Variants in ZNF155 observed in about 807,000 individuals in gnomAD.
The protein encoded by ZNF155 is zinc finger protein 155.
In ZNF155, 15 loss-of-function variants were observed where a neutral mutation model predicts 11.9. That is an observed-to-expected ratio of 1.26 (90% CI 0.84 to 1.94). The LOEUF (loss-of-function observed/expected upper bound fraction) is 1.94, where lower values mean the gene tolerates loss of function less well. ZNF155 is among the 30% of genes most tolerant of loss of function. ZNF155 has a pLI of 0.00. For missense variants in ZNF155, 602 were observed against 639.1 expected (o/e 0.94, Z 0.63); for synonymous variants, 212 against 219.9 (o/e 0.96, Z 0.32).
Position 43,984,261 on chromosome 19 carries a change from G to A in ZNF155, c.-86+16G>A, listed in dbSNP as rs1975351748. The stretch of plus-strand genomic sequence containing the variant: ...TTTGAGCCAAGTATGTGTCTTGCGG[G>A]TCTTTGCGAAAGTGAACCAGTTATT... On this transcript the variant is annotated intron_variant, in intron 1 of 4. Coordinates refer to ENST00000270014, the MANE Select transcript of ZNF155 (RefSeq NM_198089.3). The A allele has an allele frequency of 6.6e-6, 1 of 152,224 alleles. No individual in the cohort carries two copies. Among genetic ancestry groups the A allele is most frequent in the Admixed American group, 6.5e-5 (1 of 15,274 alleles). The allele number at this position is 152,224 out of a possible 1,614,324, so 9.4% of individuals were successfully genotyped here.
chr19:43,992,914 A>G lies in ZNF155; in HGVS notation c.235+980A>G, dbSNP rs539624386. Among the ~76,000 whole-genome samples the G allele has an allele frequency of 6.6e-4, 101 of 152,356 alleles. 1 individual carries two copies. The highest frequency in any genetic ancestry group is 2.3e-3 in the African/African-American group (97 of 41,582). On this transcript the variant is annotated intron_variant, in intron 4 of 4. Coordinates refer to ENST00000270014, the MANE Select transcript of ZNF155 (RefSeq NM_198089.3). ...GACCCACGTCCCGTGGAAACTTCTA[A>G]GCATTGTTTTTATGACCACACTGAG... is the stretch of plus-strand genomic sequence containing the variant.
chr19:43,995,991 CT>C, intron 4 of ZNF155, 101 bp from the exon 5 acceptor site: 3 of 1,407,954 alleles, frequency 2.1e-6, no homozygotes, highest in Non-Finnish European at 2.9e-6. Context: ...TGAACATTCT[CT>C]GTATTCATTA....
At chr19:43,987,614 A>T (rs1975506719) in intron 1 of ZNF155, among the ~76,000 whole-genome samples, 1 of 152,198 alleles carries the variant, frequency 6.6e-6, no homozygotes, top group Non-Finnish European at 1.5e-5. Context: ...TTTGGCCAAG[A>T]TGATGTCTTT....
Position 43,997,764 on chromosome 19 carries a change from A to T in ZNF155, c.*290A>T. On this transcript the variant is annotated 3_prime_UTR_variant, in exon 5 of 5. Transcript: ENST00000270014. ...AACTAGCACAGGGGATTGTGCCTGG[A>T]GACATGCCCATGGCTGCACAGATAG... The T allele has an allele frequency of 3.1e-6, 1 of 318,678 alleles. No homozygotes were observed. Among genetic ancestry groups the T allele is most frequent in the Non-Finnish European group, 5.7e-6 (1 of 175,154 alleles). The allele number at this position is 318,678 out of a possible 1,614,324, so 19.7% of individuals were successfully genotyped here.
intron 1 of ZNF155, chr19:43,984,448 G>T (rs867170347): frequency 9.4e-6 from 1 of 106,248 alleles, no homozygotes; most frequent in Non-Finnish European, 2.0e-5. Flanking sequence ...GTCGTCGGGG[G>T]TTCGGGGGGG....
chr19:43,995,722 T>G (rs1975828324), intron 4 of ZNF155, among the ~76,000 whole-genome samples: 2 of 152,278 alleles, frequency 1.3e-5, no homozygotes, highest in South Asian at 2.1e-4. Context: ...ATATACAAAG[T>G]GTTGATTAAG....
At chr19:43,985,830 G>A (rs1266184975) in intron 1 of ZNF155, among the ~76,000 whole-genome samples, 1 of 152,164 alleles carries the variant, frequency 6.6e-6, no homozygotes, top group Non-Finnish European at 1.5e-5. Flanking sequence ...GTGAGCCACC[G>A]CGCCCGGTCG....
Position 43,997,626 on chromosome 19 carries a change from AC to A in ZNF155, c.*153del. On this transcript the variant is annotated 3_prime_UTR_variant, in exon 5 of 5. Transcript: ENST00000270014. ...AAATCCATTTGAGAGGAGTTGGTAG[AC>A]AGCAAGGGAAGGGTCCCTGGAGACC... 1.3e-6 allele frequency: 1 copy of A among 783,768 alleles called. No homozygotes were observed. Among genetic ancestry groups the A allele is most frequent in the Non-Finnish European group, 1.9e-6 (1 of 516,180 alleles). The allele number at this position is 783,768 out of a possible 1,614,324, so 48.6% of individuals were successfully genotyped here.
chr19:43,996,858 A>G lies in ZNF155; in HGVS notation c.1001A>G (p.His334Arg), dbSNP rs1474106278. ...CATCAGAGATCAGCACTTAATAGGC[A>G]TTGCATGGTCCACACAGGAGAGAAA... is the stretch of plus-strand genomic sequence containing the variant. ...SFHQRSALNR[H>R]CMVHTGEKPY... Residue 334 changes from histidine to arginine, a missense_variant, in exon 5 of 5, where the codon CAT (histidine) becomes CGT (arginine). Transcript: ENST00000270014. 6.2e-7 allele frequency: 1 copy of G among 1,614,224 alleles called. No homozygotes were observed. Among genetic ancestry groups the G allele is most frequent in the Non-Finnish European group, 8.5e-7 (1 of 1,180,046 alleles).
intron 1 of ZNF155, among the ~76,000 whole-genome samples, chr19:43,984,842 G>T (rs1351403605): frequency 3.9e-5 from 6 of 152,232 alleles, no homozygotes; most frequent in African/African-American, 1.4e-4. Context: ...TTTTTAGGAA[G>T]GCGTGGGTTG....
chr19:43,996,796 A>G lies in ZNF155; in HGVS notation c.939A>G (p.Glu313=), dbSNP rs1975889088. ...GCCATTCCATGGTTCACACAGGAGA[A>G]AAACCATTTAGGTGTGATACATGTG... The part of the protein sequence containing the change: ...LKSHSMVHTG[E]KPFRCDTCDK... The change falls in exon 5 of 5, where the codon GAA becomes GAG. Residue 313 remains glutamate, a synonymous_variant. Coordinates refer to ENST00000270014, the MANE Select transcript of ZNF155 (RefSeq NM_198089.3). 4 of 1,613,992 alleles carry G rather than the reference A, an allele frequency of 2.5e-6. No individual in the cohort carries two copies. Among genetic ancestry groups the G allele is most frequent in the Non-Finnish European group, 3.4e-6 (4 of 1,180,016 alleles).
chr19:43,988,675 G>A, intron 2 of ZNF155, 117 bp downstream of exon 2: 1 of 1,103,052 alleles, frequency 9.1e-7, no homozygotes, highest in Non-Finnish European at 1.2e-6. Flanking sequence ...GGACCTGTTT[G>A]TGCCAGGTGC....
chr19:43,986,299 T>C (rs1288461840), intron 1 of ZNF155, among the ~76,000 whole-genome samples: 1 of 152,208 alleles, frequency 6.6e-6, no homozygotes, highest in Admixed American at 6.5e-5. Flanking sequence ...ATTGTATATT[T>C]ATTTATAAGC....
At chr19:43,987,108 T>A (rs1975487487) in intron 1 of ZNF155, among the ~76,000 whole-genome samples, 1 of 152,236 alleles carries the variant, frequency 6.6e-6, no homozygotes, top group Non-Finnish European at 1.5e-5. Flanking sequence ...TATTAAATAT[T>A]AGATATCTGT....
intron 2 of ZNF155, among the ~76,000 whole-genome samples, chr19:43,989,306 A>T (rs1975573675): frequency 6.6e-6 from 1 of 152,236 alleles, no homozygotes; most frequent in Admixed American, 6.5e-5. Context: ...TTATTCATTT[A>T]TGTAGTAAGC....
At chr19:43,991,107 C>T (rs1448803849) in intron 2 of ZNF155, among the ~76,000 whole-genome samples, 1 of 152,218 alleles carries the variant, frequency 6.6e-6, no homozygotes, top group East Asian at 1.9e-4. Context: ...AAATTACCCA[C>T]AGTTACCTAA....
At chr19:43,987,464 T>C (rs573308938) in intron 1 of ZNF155, among the ~76,000 whole-genome samples, 1 of 152,370 alleles carries the variant, frequency 6.6e-6, no homozygotes, top group East Asian at 1.9e-4. Flanking sequence ...TAGGTTCAGA[T>C]CATGCATTGT....
chr19:43,984,888 T>A (rs866554324), intron 1 of ZNF155, among the ~76,000 whole-genome samples: 3 of 152,076 alleles, frequency 2.0e-5, no homozygotes, highest in Admixed American at 2.0e-4. Flanking sequence ...AGCATTTAAC[T>A]TGTATCCGGG....
At chr19:43,989,967 G>A in intron 2 of ZNF155, 2 of 1,201,186 alleles carry the variant, frequency 1.7e-6, no homozygotes, top group Non-Finnish European at 2.2e-6. Context: ...AAAAGTGATG[G>A]TTTTCATTTG....
Sources: gnomAD v4.1 joint callset for allele counts (sites outside exome capture counted in the v4.1 genomes callset) on GRCh38, gnomAD v4.1.1 for gene constraint, MANE v1.5 for transcripts, NCBI Gene and HGNC (gene_info 2026-07-23, HGNC 2026-07-21) for gene names.